TENM3: variants seen among roughly 807,000 people sequenced by gnomAD.
TENM3 encodes the protein teneurin transmembrane protein 3, also known as teneurin-3.
A neutral mutation model predicts 255.1 loss-of-function variants in TENM3; 63 were observed. The observed-to-expected ratio is 0.25, with a 90% CI of 0.20 to 0.30. TENM3 has a LOEUF of 0.30. Ranked by LOEUF, TENM3 falls within the 10% of genes least tolerant of loss-of-function variation. The pLI is 1.00. For missense variants in TENM3, 2,929 were observed against 3,461.1 expected, an observed-to-expected ratio of 0.85 and a Z score of 3.86; for synonymous variants, 1,306 against 1,322.3, an observed-to-expected ratio of 0.99 and a Z score of 0.27.
the TENM3 span, among the ~76,000 whole-genome samples, chr4:181,475,502 C>T: frequency 2.6e-5 from 4 of 152,162 alleles, no homozygotes; most frequent in African/African-American, 9.7e-5. Flanking sequence ...ATGTGAGACA[C>T]ATTAACGATG....
At chr4:181,987,581 A>G in the TENM3 span, among the ~76,000 whole-genome samples, 1 of 152,118 alleles carries the variant, frequency 6.6e-6, no homozygotes, top group Non-Finnish European at 1.5e-5. Flanking sequence ...ATATGCGTAG[A>G]GTGTTGTCCT....
chr4:181,997,523 T>C, the TENM3 span, among the ~76,000 whole-genome samples: 1 of 152,118 alleles, frequency 6.6e-6, no homozygotes, highest in Non-Finnish European at 1.5e-5. Context: ...TAAAGATCTA[T>C]TGCATTTCAT....
chr4:181,679,671 T>C, the TENM3 span, among the ~76,000 whole-genome samples: 1 of 152,162 alleles, frequency 6.6e-6, no homozygotes, highest in East Asian at 1.9e-4. Flanking sequence ...ATGACACTGA[T>C]TTAATTCACT....
intron 22 of TENM3, among the ~76,000 whole-genome samples, chr4:182,755,561 G>A (rs1014109999): frequency 6.6e-6 from 1 of 151,792 alleles, no homozygotes; most frequent in Non-Finnish European, 1.5e-5. Flanking sequence ...AAAAATGGCC[G>A]GGCGCAGTGG....
Position 182,413,433 on chromosome 4 carries a change from A to G in TENM3, c.511+66504A>G, listed in dbSNP as rs534893878. On this transcript the variant is annotated intron_variant, in intron 3 of 27. Coordinates refer to ENST00000511685, the MANE Select transcript of TENM3 (RefSeq NM_001080477.4). ...GGAGTCTGAGAACAGCCTGGCCAAC[A>G]TGGCGAAACCCTGTCTCTACTAAAA... Among the ~76,000 whole-genome samples, 7 of 152,254 alleles carry G rather than the reference A, an allele frequency of 4.6e-5. No homozygotes were observed. The South Asian group carries it at 6.2e-4, about 14-fold the overall frequency.
Position 182,792,968 on chromosome 4 carries a change from T to C in TENM3, c.6296T>C (p.Met2099Thr). 2 of 1,613,878 alleles carry C rather than the reference T, an allele frequency of 1.2e-6. No individual in the cohort carries two copies. The highest frequency in any genetic ancestry group is 1.1e-5 in the South Asian group (1 of 91,050). Reference sequence around the variant, plus strand: ...CAATATGAGATATTCAGGTCGCTCATGTACTGGATTACAATTCAGTATGAT... The same window carrying C: ...CAATATGAGATATTCAGGTCGCTCACGTACTGGATTACAATTCAGTATGAT... ...EIQYEIFRSL[M>T]YWITIQYDNM... Residue 2099 changes from methionine to threonine, a missense_variant, in exon 26 of 28, where the codon ATG becomes ACG. By Grantham distance (81) the Met-to-Thr change is moderately conservative. This residue lies in a region of TENM3 where 256 missense variants were observed against 389.3 expected (regional missense o/e 0.66). Coordinates refer to ENST00000511685, the MANE Select transcript of TENM3 (RefSeq NM_001080477.4). This position sits in a 1 kb window ranked among gnomAD's most constrained non-coding sequence, Gnocchi z 6.3.
Position 182,298,984 on chromosome 4 carries a change from C to CAAAAAAA in TENM3, c.-75-24936_-75-24930dup, listed in dbSNP as rs11283401. On this transcript the variant is annotated intron_variant, in intron 1 of 27. Transcript: ENST00000511685. ...TGGGCAACAGAGCAAGACTCCTTCT[C>CAAAAAAA]AAAAAAAAAAAAAAAAAAAAAAAAA... Among the ~76,000 whole-genome samples, 70 of 25,560 alleles carry CAAAAAAA rather than the reference C, an allele frequency of 2.7e-3. 9 individuals carry two copies. Among genetic ancestry groups the CAAAAAAA allele is most frequent in the Non-Finnish European group, 3.2e-3 (46 of 14,434 alleles). 16.8% of individuals were successfully genotyped at this position (25,560 alleles called of 152,430 possible).
the TENM3 span, among the ~76,000 whole-genome samples, chr4:181,993,530 A>G: frequency 2.0e-3 from 307 of 152,290 alleles, 5 homozygotes; most frequent in African/African-American, 7.1e-3. Context: ...TAAATTAGAG[A>G]AACTAATGAA....
chr4:182,299,792 G>T (rs1761738370), intron 1 of TENM3, among the ~76,000 whole-genome samples: 1 of 151,514 alleles, frequency 6.6e-6, no homozygotes. Context: ...GGAGGGAAGG[G>T]TTAGGAAAAT....
In TENM3 at chr4:182,793,541, A is replaced by T. The variant is rs1402884815; in HGVS notation, c.6869A>T (p.Asp2290Val). 6.2e-7 allele frequency: 1 copy of T among 1,613,960 alleles called. No homozygotes were observed. The highest frequency in any genetic ancestry group is 1.1e-5 in the South Asian group (1 of 91,078). The change falls in exon 26 of 28, where the codon GAT becomes GTT. Residue 2290 changes from aspartate to valine, a missense_variant. Asp to Val is a radical substitution (Grantham distance 152). Coordinates refer to ENST00000511685, the MANE Select transcript of TENM3 (RefSeq NM_001080477.4). The surrounding 1 kb of genome is among the most constrained non-coding windows in gnomAD (Gnocchi z 5.7). ...HLFAMEISSG[D>V]EFYIASDNTG... ...TTTGCCATGGAAATCAGCAGTGGGGATGAATTCTATATTGCATCGGATAAC... is the reference window on the plus strand; with the variant it reads ...TTTGCCATGGAAATCAGCAGTGGGGTTGAATTCTATATTGCATCGGATAAC...
intron 1 of TENM3, among the ~76,000 whole-genome samples, chr4:182,290,024 G>A (rs751403532): frequency 2.6e-5 from 4 of 152,146 alleles, no homozygotes; most frequent in Non-Finnish European, 5.9e-5. Flanking sequence ...TGCTGTCCAA[G>A]GTTCCTCTCC....
the TENM3 span, among the ~76,000 whole-genome samples, chr4:181,624,280 C>T: frequency 1.3e-5 from 2 of 152,196 alleles, no homozygotes; most frequent in African/African-American, 4.8e-5. Context: ...CATCGCCACT[C>T]GCTGGCAAAT....
chr4:182,302,838 C>G (rs1248976612), intron 1 of TENM3, among the ~76,000 whole-genome samples: 2 of 152,186 alleles, frequency 1.3e-5, no homozygotes, highest in Non-Finnish European at 2.9e-5. Flanking sequence ...AAGAACTGAG[C>G]TTCCAGGTAT....
chr4:181,541,877 A>G, the TENM3 span, among the ~76,000 whole-genome samples: 2 of 152,216 alleles, frequency 1.3e-5, no homozygotes, highest in Non-Finnish European at 2.9e-5. Context: ...ACATCTGCTA[A>G]TTATTCCCTA....
chr4:181,745,385 A>T, the TENM3 span, among the ~76,000 whole-genome samples: 2 of 152,218 alleles, frequency 1.3e-5, no homozygotes, highest in African/African-American at 2.4e-5. Flanking sequence ...AATGTAAAAA[A>T]TGAAATGGTA....
chr4:182,778,131 A>T (rs1474555103), intron 24 of TENM3, among the ~76,000 whole-genome samples: 1 of 152,082 alleles, frequency 6.6e-6, no homozygotes, highest in South Asian at 2.1e-4. Context: ...ATATTTACTA[A>T]ATATTCCTAG....
the TENM3 span, among the ~76,000 whole-genome samples, chr4:181,841,335 C>T: frequency 5.3e-4 from 81 of 151,930 alleles, no homozygotes; most frequent in African/African-American, 1.8e-3. Context: ...TTGCATTTTC[C>T]AAAGTGTACT....
chr4:181,972,022 G>GT, the TENM3 span, among the ~76,000 whole-genome samples: 63 of 148,854 alleles, frequency 4.2e-4, no homozygotes, highest in East Asian at 2.6e-3. Flanking sequence ...AACTGCATCA[G>GT]TTTTTTTTTT....
chr4:182,381,764 TTGGTCAGGC>T (rs1280611638), intron 3 of TENM3, among the ~76,000 whole-genome samples: 2 of 152,320 alleles, frequency 1.3e-5, no homozygotes, highest in East Asian at 3.9e-4. Context: ...TTTCTACATG[TTGGTCAGGC>T]TGGTCTCGAA....
Sources: gnomAD v4.1 joint callset for allele counts (sites outside exome capture counted in the v4.1 genomes callset) on GRCh38, gnomAD v4.1.1 for gene constraint, gnomAD v4.1.1 regional missense constraint, Gnocchi (gnomAD v3.1) non-coding constraint, MANE v1.5 for transcripts, NCBI Gene and HGNC (gene_info 2026-07-23, HGNC 2026-07-21) for gene names.